The following C3orf22 variants were observed in gnomAD, a reference collection of about 807,000 sequenced individuals.
C3orf22 encodes the protein uncharacterized protein C3orf22.
A neutral mutation model predicts 10.8 loss-of-function variants in C3orf22; 7 were observed. That is an observed-to-expected ratio of 0.65 (90% confidence interval 0.37 to 1.22). The LOEUF is 1.22. Among genes scored for constraint, C3orf22 ranks in the 50% most tolerant of loss-of-function variants. The pLI is 0.02. For missense variants in C3orf22, 173 were observed against 177.0 expected, an observed-to-expected ratio of 0.98 and a Z score of 0.13; for synonymous variants, 79 against 78.9, an observed-to-expected ratio of 1.00 and a Z score of 0.00.
chr3:126,530,023 G>A (rs1936618789), intron 4 of C3orf22, among the ~76,000 whole-genome samples: 1 of 152,182 alleles, frequency 6.6e-6, no homozygotes, highest in Non-Finnish European at 1.5e-5. Context: ...TGGGGGTGGA[G>A]GGGGTGGATG....
Position 126,556,625 on chromosome 3 carries a change from G to A in C3orf22, c.-41+2002C>T, listed in dbSNP as rs542973168. 6.6e-5 allele frequency among the ~76,000 whole-genome samples: 10 copies of A among 150,698 alleles called. 2 individuals are homozygous for A. The South Asian group carries it at 1.5e-3, about 22-fold the overall frequency. On this transcript the variant is annotated intron_variant, in intron 1 of 3. Coordinates refer to ENST00000318225, the MANE Select transcript of C3orf22 (RefSeq NM_152533.3). ...GGCCGCTAAGCAGGTTTCCCACCTC[G>A]CCTCACTGACTGCCGTTCCCACACA... is the stretch of plus-strand genomic sequence containing the variant.
chr3:126,543,031 A>C, intron 4 of C3orf22: 1 of 152,832 alleles, frequency 6.5e-6, no homozygotes, highest in Non-Finnish European at 1.5e-5. Context: ...CCAAGGACGA[A>C]AGCCCTCCCT....
Position 126,541,865 on chromosome 3 carries a change from C to T in C3orf22, c.286+7672G>A, listed in dbSNP as rs757148719. Reference sequence around the variant, plus strand: ...GCGGCACGTGCTGGTGGACGACGCGCATGGCCTGCTCTACTGCTACGTGCC... The same window carrying T: ...GCGGCACGTGCTGGTGGACGACGCGTATGGCCTGCTCTACTGCTACGTGCC... On this transcript the variant is annotated intron_variant and NMD_transcript_variant, in intron 4 of 5. Coordinates refer to the C3orf22 transcript ENST00000505070. The T allele has an allele frequency of 5.0e-6, 8 of 1,594,672 alleles. No homozygotes were observed. The South Asian group carries it at 9.1e-5, about 18-fold the overall frequency.
At chr3:126,532,420 T>C (rs896216533) in intron 4 of C3orf22, among the ~76,000 whole-genome samples, 1 of 152,168 alleles carries the variant, frequency 6.6e-6, no homozygotes, top group African/African-American at 2.4e-5. Flanking sequence ...TTTGGGGCTA[T>C]GATCCATTTT....
At chr3:126,540,305 G>A (rs147254788) in intron 4 of C3orf22, among the ~76,000 whole-genome samples, 23 of 152,174 alleles carry the variant, frequency 1.5e-4, no homozygotes, top group African/African-American at 4.8e-4. Flanking sequence ...AACTATCACC[G>A]CTGTCTAATT....
chr3:126,551,781 C>G (rs1937192568), intron 3 of C3orf22, among the ~76,000 whole-genome samples: 1 of 152,260 alleles, frequency 6.6e-6, no homozygotes, highest in Non-Finnish European at 1.5e-5. Context: ...TGGGCCCTGC[C>G]CAGGGAAGGT....
At chr3:126,534,262 C>T (rs28696000) in intron 4 of C3orf22, among the ~76,000 whole-genome samples, 6,840 of 152,280 alleles carry the variant, frequency 0.045, 235 homozygotes, top group African/African-American at 0.095. Flanking sequence ...TTACTGAGAA[C>T]ATATTAATAT....
At position 126,542,285 on chromosome 3, in the gene C3orf22, G is replaced by A. The variant is rs763869348; in HGVS notation, c.286+7252C>T. On this transcript the variant is annotated intron_variant and NMD_transcript_variant, in intron 4 of 5. Transcript: ENST00000505070. ...CACGCGGCGTGAGGAGCCCTTCAAC[G>A]AGCACTGGGAGCGCGCGCACGCGCT... 5 of 1,564,712 alleles carry A rather than the reference G, an allele frequency of 3.2e-6. No individual in the cohort carries two copies. In the South Asian group the frequency reaches 3.5e-5, roughly 11 times the overall value.
chr3:126,553,271 G>A lies in C3orf22; in HGVS notation c.89+31C>T, dbSNP rs1309065129. On this transcript the variant is annotated intron_variant, in intron 2 of 3. Coordinates refer to ENST00000318225, the MANE Select transcript of C3orf22 (RefSeq NM_152533.3). The stretch of plus-strand genomic sequence containing the variant: ...GCTGGGGTGACCTGGGGGAGGCAGG[G>A]CTTGTCTCCAGAGGTGTCAGCCTCC... The A allele has an allele frequency of 2.7e-6, 4 of 1,482,446 alleles. No individual in the cohort carries two copies. The African/African-American group carries it at 4.2e-5, about 15-fold the overall frequency. 91.8% of individuals were successfully genotyped at this position (1,482,446 alleles called of 1,614,324 possible).
chr3:126,529,501 G>A (rs1028711518), intron 4 of C3orf22: 42 of 816,418 alleles, frequency 5.1e-5, no homozygotes, highest in Non-Finnish European at 6.9e-5. Flanking sequence ...GGCACAGCAA[G>A]GAAGCTGTGA....
Position 126,539,010 on chromosome 3 carries a change from G to A in C3orf22, c.287-9638C>T, listed in dbSNP as rs79108500. On this transcript the variant is annotated intron_variant and NMD_transcript_variant, in intron 4 of 5. Coordinates refer to the C3orf22 transcript ENST00000505070. ...GTGTCCTTCCAGACATGCTCTAGGC[G>A]TGTAAGTAGTATCCACTGCTTTGCC... is the stretch of plus-strand genomic sequence containing the variant. 9.6e-3 allele frequency among the ~76,000 whole-genome samples: 1,459 copies of A among 152,290 alleles called. 25 individuals carry two copies. Among genetic ancestry groups the A allele is most frequent in the African/African-American group, 0.033 (1,366 of 41,548 alleles).
intron 4 of C3orf22, among the ~76,000 whole-genome samples, chr3:126,539,263 A>T (rs1936870065): frequency 6.6e-6 from 1 of 152,042 alleles, no homozygotes; most frequent in South Asian, 2.1e-4. Context: ...TAAAATAATA[A>T]GTCTCCCTCC....
At chr3:126,533,907 G>T (rs1560138934) in intron 4 of C3orf22, among the ~76,000 whole-genome samples, 1 of 151,978 alleles carries the variant, frequency 6.6e-6, no homozygotes, top group Non-Finnish European at 1.5e-5. Flanking sequence ...ACTTGTTATG[G>T]GTCTGCTGAG....
intron 3 of C3orf22, among the ~76,000 whole-genome samples, chr3:126,551,113 TTGTG>T (rs142548027): frequency 8.4e-4 from 127 of 150,774 alleles, no homozygotes; most frequent in Non-Finnish European, 1.7e-3. Context: ...AGTCTGTTCT[TTGTG>T]TGTGTGTGTG....
downstream of C3orf22, among the ~76,000 whole-genome samples, chr3:126,548,183 C>T (rs1403329786): frequency 2.0e-5 from 3 of 152,134 alleles, no homozygotes; most frequent in East Asian, 1.9e-4. Flanking sequence ...TTAGTAGAGA[C>T]GGGGTTTCAC....
chr3:126,553,939 T>C (rs551866133), intron 1 of C3orf22, among the ~76,000 whole-genome samples: 1 of 152,354 alleles, frequency 6.6e-6, no homozygotes, highest in South Asian at 2.1e-4. Context: ...AATATTCAGA[T>C]GTAAGTTTTT....
In C3orf22 at chr3:126,550,285, C is replaced by T. The variant is rs111677884; in HGVS notation, c.216-207G>A. Among the ~76,000 whole-genome samples, 6 of 152,230 alleles carry T rather than the reference C, an allele frequency of 3.9e-5. No individual in the cohort carries two copies. In the South Asian group the frequency reaches 1.0e-3, roughly 26 times the overall value. ...TGGGGGCACCGCACACTCACCCCCC[C>T]ACACAGGCTCCTCCAGCCACCTGAC... is the stretch of plus-strand genomic sequence containing the variant. On this transcript the variant is annotated intron_variant, in intron 3 of 3. Transcript: ENST00000318225.
chr3:126,553,322 A>T lies in C3orf22; in HGVS notation c.69T>A (p.Phe23Leu). The T allele has an allele frequency of 6.2e-7, 1 of 1,614,114 alleles. No homozygotes were observed. The change falls in exon 2 of 4, where the codon TTT becomes TTA. Residue 23 changes from phenylalanine to leucine, a missense_variant. Transcript: ENST00000318225. ...KKWRIQAQEN[F>L]AKKFPYRLSW... Reference sequence around the variant, plus strand: ...CGCACCTGTACGGAAACTTCTTGGCAAAATTCTCCTGGGCCTGGATCCTCC... The same window carrying T: ...CGCACCTGTACGGAAACTTCTTGGCTAAATTCTCCTGGGCCTGGATCCTCC...
intron 3 of C3orf22, among the ~76,000 whole-genome samples, 195 bp from the exon 4 acceptor site, chr3:126,550,273 C>T (rs1485809107): frequency 2.0e-5 from 3 of 151,960 alleles, no homozygotes; most frequent in Non-Finnish European, 2.9e-5. Flanking sequence ...GGGCACCGCA[C>T]ACTCACCCCC....
Sources: gnomAD v4.1 joint callset for allele counts (sites outside exome capture counted in the v4.1 genomes callset) on GRCh38, gnomAD v4.1.1 for gene constraint, MANE v1.5 for transcripts, NCBI Gene and HGNC (gene_info 2026-07-23, HGNC 2026-07-21) for gene names.